The following SHOC2 variants were observed in gnomAD, a reference collection of about 807,000 sequenced individuals.
The protein encoded by SHOC2 is leucine-rich repeat protein SHOC-2.
In SHOC2, 4 loss-of-function variants were observed where a neutral mutation model predicts 50.2. The observed-to-expected ratio is 0.08, with a 90% CI of 0.04 to 0.18. The LOEUF (loss-of-function observed/expected upper bound fraction) is 0.18. Among genes scored for constraint, SHOC2 ranks in the 10% least tolerant of loss-of-function variants. SHOC2 has a pLI of 1.00. For missense variants in SHOC2, 388 were observed against 669.6 expected (o/e 0.58, Z 4.64); for synonymous variants, 218 against 244.5 (o/e 0.89, Z 1.01).
intron 8 of SHOC2, among the ~76,000 whole-genome samples, chr10:111,010,293 C>A (rs924783910): frequency 3.9e-5 from 6 of 152,046 alleles, no homozygotes. Flanking sequence ...ACATGACCAC[C>A]TGGAATTTTA....
intron 2 of SHOC2, among the ~76,000 whole-genome samples, chr10:110,980,115 C>T (rs1295984230): frequency 6.6e-6 from 1 of 151,500 alleles, no homozygotes; most frequent in Non-Finnish European, 1.5e-5. Flanking sequence ...CAGGCCTTCA[C>T]CATCTGTAGT....
At chr10:110,926,555 A>G (rs113566257) in intron 1 of SHOC2, among the ~76,000 whole-genome samples, 2 of 152,240 alleles carry the variant, frequency 1.3e-5, no homozygotes, top group African/African-American at 4.8e-5. Flanking sequence ...ATAAGAGCAG[A>G]AGAAAAACTC....
chr10:110,998,160 C>T (rs777696776), intron 3 of SHOC2, among the ~76,000 whole-genome samples: 9 of 151,758 alleles, frequency 5.9e-5, no homozygotes, highest in East Asian at 3.9e-4. Flanking sequence ...CCACCATGCC[C>T]GGATAATTTT....
In SHOC2 at chr10:111,013,035, C is replaced by T. The variant is rs1367202930; in HGVS notation, c.*1217C>T. On this transcript the variant is annotated 3_prime_UTR_variant, in exon 9 of 9. Coordinates refer to ENST00000369452, the MANE Select transcript of SHOC2 (RefSeq NM_007373.4). ...TATCATTACTTTTAATCTCATCTTT[C>T]CTTTCTTGGTAGTTGTTAATACAGT... 6.6e-6 allele frequency: 1 copy of T among 152,620 alleles called. No individual in the cohort carries two copies. Among genetic ancestry groups the T allele is most frequent in the Non-Finnish European group, 1.5e-5 (1 of 68,030 alleles). 9.5% of individuals were successfully genotyped at this position (152,620 alleles called of 1,614,324 possible).
chr10:110,987,617 A>G (rs1355546838), intron 3 of SHOC2, among the ~76,000 whole-genome samples: 1 of 152,208 alleles, frequency 6.6e-6, no homozygotes, highest in Non-Finnish European at 1.5e-5. Context: ...ATAAAATAAG[A>G]GAATCAGATT....
chr10:110,928,856 C>T (rs1156391856), intron 1 of SHOC2, among the ~76,000 whole-genome samples: 1 of 152,162 alleles, frequency 6.6e-6, no homozygotes, highest in Non-Finnish European at 1.5e-5. Flanking sequence ...GATCTTGCCA[C>T]TGTACTCCAG....
chr10:110,991,150 C>G (rs1848179794), intron 3 of SHOC2, among the ~76,000 whole-genome samples: 1 of 152,142 alleles, frequency 6.6e-6, no homozygotes, highest in African/African-American at 2.4e-5. Context: ...GTGTCTGTAT[C>G]TCAAACTTGT....
At chr10:110,977,755 A>T (rs959109916) in intron 2 of SHOC2, among the ~76,000 whole-genome samples, 1 of 152,172 alleles carries the variant, frequency 6.6e-6, no homozygotes, top group African/African-American at 2.4e-5. Flanking sequence ...ATTTAACCCC[A>T]CTACTAAGGT....
At chr10:110,942,380 C>G (rs1207119849) in intron 1 of SHOC2, among the ~76,000 whole-genome samples, 2 of 152,060 alleles carry the variant, frequency 1.3e-5, no homozygotes, top group Non-Finnish European at 2.9e-5. Flanking sequence ...CAGGGTCTTG[C>G]TCTGTTGCCT....
intron 1 of SHOC2, among the ~76,000 whole-genome samples, chr10:110,926,809 C>G (rs1337250618): frequency 1.3e-5 from 2 of 152,226 alleles, no homozygotes; most frequent in African/African-American, 4.8e-5. Context: ...TTAAGCTTTT[C>G]TTACTGGGAA....
intron 1 of SHOC2, among the ~76,000 whole-genome samples, chr10:110,922,881 CTG>C (rs1277496837): frequency 1.4e-4 from 21 of 152,012 alleles, no homozygotes; most frequent in East Asian, 9.6e-4. Context: ...TAAATGGAAA[CTG>C]TAATTTATCA....
At chr10:110,939,480 A>G (rs1847095142) in intron 1 of SHOC2, among the ~76,000 whole-genome samples, 1 of 152,180 alleles carries the variant, frequency 6.6e-6, no homozygotes, top group South Asian at 2.1e-4. Context: ...TTGGCTTCCA[A>G]AAGTTCTGGG....
intron 1 of SHOC2, chr10:110,919,912 G>T: frequency 3.3e-6 from 1 of 305,150 alleles, no homozygotes; most frequent in Non-Finnish European, 6.0e-6. Flanking sequence ...GCAGCCCGGC[G>T]CGGAGAGGAA....
chr10:110,923,155 C>G (rs1284147567), intron 1 of SHOC2, among the ~76,000 whole-genome samples: 12 of 151,876 alleles, frequency 7.9e-5, no homozygotes, highest in Non-Finnish European at 4.4e-5. Context: ...CCCTGTAGAT[C>G]TTTTTTGAAA....
At chr10:110,950,949 A>G (rs1028487068) in intron 1 of SHOC2, among the ~76,000 whole-genome samples, 2 of 152,202 alleles carry the variant, frequency 1.3e-5, no homozygotes, top group African/African-American at 4.8e-5. Flanking sequence ...AAGAAAACAA[A>G]GGGAAAAGTT....
At chr10:110,934,880 T>C (rs1450899212) in intron 1 of SHOC2, among the ~76,000 whole-genome samples, 1 of 152,154 alleles carries the variant, frequency 6.6e-6, no homozygotes, top group African/African-American at 2.4e-5. Context: ...AGTCCATACA[T>C]GCATGTGGTG....
At chr10:110,997,101 T>A (rs1848282011) in intron 3 of SHOC2, among the ~76,000 whole-genome samples, 1 of 152,222 alleles carries the variant, frequency 6.6e-6, no homozygotes, top group African/African-American at 2.4e-5. Context: ...TGCTAAGATA[T>A]TACATTTTGA....
In SHOC2 at chr10:110,964,402, A is replaced by C; in HGVS notation, c.44A>C (p.Asp15Ala). The C allele has an allele frequency of 6.2e-7, 1 of 1,613,228 alleles. No homozygotes were observed. The highest frequency in any genetic ancestry group is 8.5e-7 in the Non-Finnish European group (1 of 1,179,840). The change falls in exon 2 of 9, where the codon GAT (aspartate) becomes GCT (alanine). Residue 15 changes from aspartate (D) to alanine (A), a missense_variant. Around this residue, in one of 5 missense-constraint regions of SHOC2, gnomAD observed 121 missense variants for 145.5 expected, o/e 0.83. Coordinates refer to ENST00000369452, the MANE Select transcript of SHOC2 (RefSeq NM_007373.4). The surrounding 1 kb of genome is among the most constrained non-coding windows in gnomAD (Gnocchi z 4.9). ...LGKEKDSKEK[D>A]PKVPSAKERE... ...AAAGAAAAAGACTCTAAAGAAAAAG[A>C]TCCCAAAGTACCATCAGCCAAGGAA... is the stretch of plus-strand genomic sequence containing the variant.
At chr10:110,983,069 AAATAATT>A (rs1395529215) in intron 2 of SHOC2, among the ~76,000 whole-genome samples, 5 of 152,132 alleles carry the variant, frequency 3.3e-5, no homozygotes, top group Non-Finnish European at 5.9e-5. Flanking sequence ...TGTGGCTTTG[AAATAATT>A]AGGTTATATC....
Sources: gnomAD v4.1 joint callset for allele counts (sites outside exome capture counted in the v4.1 genomes callset) on GRCh38, gnomAD v4.1.1 for gene constraint, gnomAD v4.1.1 regional missense constraint, Gnocchi (gnomAD v3.1) non-coding constraint, MANE v1.5 for transcripts, NCBI Gene and HGNC (gene_info 2026-07-23, HGNC 2026-07-21) for gene names.